The following LARGE1 variants were observed in gnomAD, a reference collection of about 807,000 sequenced individuals.
The protein encoded by LARGE1 is LARGE xylosyl- and glucuronyltransferase 1.
Under a neutral mutation model 87.6 loss-of-function variants are expected in LARGE1, and 43 were observed. The ratio of observed to expected loss-of-function variants is 0.49; its 90% CI spans 0.38 to 0.63. The LOEUF (loss-of-function observed/expected upper bound fraction) is 0.63. Ranked by LOEUF, LARGE1 falls within the 30% of genes least tolerant of loss-of-function variation. The pLI, the probability that LARGE1 is intolerant of heterozygous loss-of-function variation, is 0.00. For synonymous variants in LARGE1, 434 were observed against 394.6 expected, an observed-to-expected ratio of 1.10 and a Z score of -1.18; for missense variants, 802 against 1,000.2, an observed-to-expected ratio of 0.80 and a Z score of 2.67.
the LARGE1 span, among the ~76,000 whole-genome samples, chr22:33,094,627 C>T: frequency 6.6e-6 from 1 of 151,810 alleles, no homozygotes; most frequent in South Asian, 2.1e-4. Context: ...GAACTCTTCT[C>T]ATCCATTCTT....
intron 3 of LARGE1, among the ~76,000 whole-genome samples, chr22:33,641,720 C>G (rs189107733): frequency 1.3e-5 from 2 of 151,980 alleles, no homozygotes; most frequent in African/African-American, 2.4e-5. Context: ...AAACACAGCA[C>G]GAGAACTTTG....
chr22:33,526,232 TG>T (rs1306781386), intron 6 of LARGE1, among the ~76,000 whole-genome samples: 3 of 152,162 alleles, frequency 2.0e-5, no homozygotes, highest in African/African-American at 7.2e-5. Flanking sequence ...TATATTTATA[TG>T]AAAAAAAATT....
intron 1 of LARGE1, among the ~76,000 whole-genome samples, chr22:33,866,685 C>T (rs1399407103): frequency 1.3e-5 from 2 of 152,186 alleles, no homozygotes; most frequent in Non-Finnish European, 1.5e-5. Context: ...TAAACACACA[C>T]CAGATGGAGC....
At chr22:33,144,404 T>C in the LARGE1 span, among the ~76,000 whole-genome samples, 1 of 152,174 alleles carries the variant, frequency 6.6e-6, no homozygotes, top group Non-Finnish European at 1.5e-5. Flanking sequence ...TTGTTGCATA[T>C]ATTGACAACT....
intron 2 of LARGE1, among the ~76,000 whole-genome samples, chr22:33,745,895 G>C (rs2084063759): frequency 6.6e-6 from 1 of 152,128 alleles, no homozygotes. Context: ...CCTGATCCCT[G>C]TGGAGAACTA....
chr22:33,670,857 T>C (rs982724841), intron 2 of LARGE1, among the ~76,000 whole-genome samples: 1 of 152,200 alleles, frequency 6.6e-6, no homozygotes, highest in Admixed American at 6.5e-5. Context: ...AATTTATATG[T>C]ATCCTTTTTT....
intron 14 of LARGE1, among the ~76,000 whole-genome samples, chr22:33,276,550 A>G (rs1929334090): frequency 1.3e-5 from 2 of 152,248 alleles, no homozygotes; most frequent in Non-Finnish European, 2.9e-5. Context: ...ACTTTGAAGT[A>G]GGAGCTCAAT....
the LARGE1 span, chr22:33,108,635 T>C: frequency 6.6e-6 from 1 of 152,208 alleles, no homozygotes; most frequent in South Asian, 2.1e-4. Context: ...TGTAAGTACA[T>C]CAACTCTATG....
At chr22:33,358,923 G>A (rs911841677) in intron 9 of LARGE1, among the ~76,000 whole-genome samples, 4 of 151,834 alleles carry the variant, frequency 2.6e-5, no homozygotes, top group East Asian at 1.9e-4. Context: ...GTGTGAACCC[G>A]GGAGGTGGAG....
At position 33,851,802 on chromosome 22, in the gene LARGE1, T is replaced by C. The variant is rs898190052; in HGVS notation, c.-83+68193A>G. Among the ~76,000 whole-genome samples the C allele has an allele frequency of 1.2e-4, 19 of 152,358 alleles. No individual in the cohort carries two copies. The East Asian group carries it at 2.5e-3, about 20-fold the overall frequency. On this transcript the variant is annotated intron_variant, in intron 1 of 14. Transcript: ENST00000397394. ...TGTCAACAGAGCAGAAATTTTATGA[T>C]GACGTAGCTTCCTAATTTTTATCTA...
chr22:33,096,266 A>C, the LARGE1 span, among the ~76,000 whole-genome samples: 2 of 151,992 alleles, frequency 1.3e-5, no homozygotes, highest in African/African-American at 2.4e-5. Flanking sequence ...TAATACAAAA[A>C]TTAGCTGGGC....
chr22:33,262,236 A>C (rs1007629108), intron 11 of LARGE1, among the ~76,000 whole-genome samples: 4 of 152,244 alleles, frequency 2.6e-5, no homozygotes, highest in Admixed American at 6.5e-5. Context: ...TCCGGCTTCA[A>C]GAATGGAGCT....
chr22:33,300,866 G>A (rs1934052600), intron 12 of LARGE1, among the ~76,000 whole-genome samples: 1 of 152,100 alleles, frequency 6.6e-6, no homozygotes, highest in South Asian at 2.1e-4. Flanking sequence ...TGTAGAGATG[G>A]GGTCTCACTA....
chr22:33,069,652 C>T, the LARGE1 span, among the ~76,000 whole-genome samples: 1 of 152,060 alleles, frequency 6.6e-6, no homozygotes, highest in African/African-American at 2.4e-5. Flanking sequence ...CTTTCTGGTA[C>T]ACCATAAGTA....
rs5994732 is a variant in LARGE1 at position 33,399,800 on chromosome 22, G to A, written c.893-15496C>T. On this transcript the variant is annotated intron_variant, in intron 7 of 14. Coordinates refer to ENST00000397394, the MANE Select transcript of LARGE1 (RefSeq NM_133642.5). ...CCTGACCTCGTGATCTGCCCGCCTC[G>A]GCCTCCCAAAGTGCTGGGATTAGAG... Among the ~76,000 whole-genome samples the A allele has an allele frequency of 9.0e-3, 1,362 of 152,072 alleles. 18 individuals carry two copies. The highest frequency in any genetic ancestry group is 0.03 in the African/African-American group (1,249 of 41,496).
chr22:33,114,019 C>G, the LARGE1 span, among the ~76,000 whole-genome samples: 3 of 151,592 alleles, frequency 2.0e-5, no homozygotes, highest in African/African-American at 7.3e-5. Context: ...TACAGACACA[C>G]AGCACCACGC....
chr22:33,526,540 T>C (rs2071905143), intron 6 of LARGE1, among the ~76,000 whole-genome samples: 1 of 152,234 alleles, frequency 6.6e-6, no homozygotes, highest in Admixed American at 6.5e-5. Flanking sequence ...GTTTTGCTTG[T>C]AATGAAACTT....
chr22:33,439,541 T>G (rs2067394123), intron 6 of LARGE1, among the ~76,000 whole-genome samples: 1 of 152,104 alleles, frequency 6.6e-6, no homozygotes, highest in Non-Finnish European at 1.5e-5. Flanking sequence ...ACCCTTAACA[T>G]GCTGGTGCTC....
chr22:33,861,598 C>T (rs746538839), intron 1 of LARGE1: 17 of 152,274 alleles, frequency 1.1e-4, no homozygotes, highest in Admixed American at 2.0e-4. Context: ...CTCCATGCTG[C>T]CATGAGGATC....
Sources: gnomAD v4.1 joint callset for allele counts (sites outside exome capture counted in the v4.1 genomes callset) on GRCh38, gnomAD v4.1.1 for gene constraint, MANE v1.5 for transcripts, NCBI Gene and HGNC (gene_info 2026-07-23, HGNC 2026-07-21) for gene names.